The following CTTNBP2NL variants were observed in gnomAD, a reference collection of about 807,000 sequenced individuals.
CTTNBP2NL encodes the protein CTTNBP2 N-terminal-like protein.
Under a neutral mutation model 32.5 loss-of-function variants are expected in CTTNBP2NL, and 16 were observed. That is an observed-to-expected ratio of 0.49 (90% CI 0.33 to 0.75). The LOEUF (loss-of-function observed/expected upper bound fraction) is 0.75. Ranked by LOEUF, CTTNBP2NL falls within the 30% of genes least tolerant of loss-of-function variation. The pLI is 0.02. For missense variants in CTTNBP2NL, 645 were observed against 756.0 expected, an observed-to-expected ratio of 0.85 and a Z score of 1.72; for synonymous variants, 298 against 289.4, an observed-to-expected ratio of 1.03 and a Z score of -0.30.
Position 112,456,759 on chromosome 1 carries a change from C to G in CTTNBP2NL, c.1267C>G (p.Leu423Val). Reference protein sequence around the residue: ...LSPSSTASSSLTSSPCSSPVL... With the variant: ...LSPSSTASSSVTSSPCSSPVL... ...TCCCAGCAGCACTGCCTCCTCCTCT[C>G]TAACATCCTCTCCTTGCTCTTCGCC... Residue 423 changes from leucine (L) to valine (V), a missense_variant, in exon 6 of 6, where the codon CTA becomes GTA. Leu to Val is a conservative substitution (Grantham distance 32, BLOSUM62 1). Coordinates refer to ENST00000271277, the MANE Select transcript of CTTNBP2NL (RefSeq NM_018704.3). 6.2e-7 allele frequency: 1 copy of G among 1,614,128 alleles called. No homozygotes were observed.
chr1:112,451,627 C>G (rs765082243), intron 4 of CTTNBP2NL, among the ~76,000 whole-genome samples: 1 of 151,486 alleles, frequency 6.6e-6, no homozygotes, highest in Non-Finnish European at 1.5e-5. Context: ...CAAAAATTAG[C>G]CAGGCATGGT....
At chr1:112,452,348 T>TC (rs1480165622) in intron 4 of CTTNBP2NL, among the ~76,000 whole-genome samples, 3 of 144,502 alleles carry the variant, frequency 2.1e-5, no homozygotes, top group Non-Finnish European at 3.0e-5. Flanking sequence ...TTTTTTTTTT[T>TC]TTTTTTTTTT....
chr1:112,429,821 T>C (rs907171594), intron 3 of CTTNBP2NL, among the ~76,000 whole-genome samples: 1 of 152,220 alleles, frequency 6.6e-6, no homozygotes, highest in Non-Finnish European at 1.5e-5. Flanking sequence ...CAGAGCACTG[T>C]ACTAAATTCT....
intron 3 of CTTNBP2NL, among the ~76,000 whole-genome samples, chr1:112,430,402 TGTG>T (rs1265336320): frequency 9.2e-5 from 14 of 151,766 alleles, no homozygotes; most frequent in Admixed American, 3.3e-4. Flanking sequence ...TCTAATTTGT[TGTG>T]GTTGTACTTT....
chr1:112,455,926 T>A lies in CTTNBP2NL; in HGVS notation c.439-5T>A. 6.3e-7 allele frequency: 1 copy of A among 1,576,044 alleles called. No individual in the cohort carries two copies. The highest frequency in any genetic ancestry group is 8.6e-7 in the Non-Finnish European group (1 of 1,164,894). On this transcript the variant is annotated splice_region_variant and splice_polypyrimidine_tract_variant and intron_variant, in intron 5 of 5. Transcript: ENST00000271277. ...AGTATGTCTCTCTTTTCTTTTTTTT[T>A]CTAGTTGGAATTTGAAAAATCCCAA...
chr1:112,397,101 A>G (rs1425653210), intron 1 of CTTNBP2NL, among the ~76,000 whole-genome samples: 1 of 152,180 alleles, frequency 6.6e-6, no homozygotes, highest in Admixed American at 6.5e-5. Flanking sequence ...TTTCACAGTG[A>G]GGTGGGTGTG....
chr1:112,451,837 A>G (rs1222582745), intron 4 of CTTNBP2NL, among the ~76,000 whole-genome samples: 1 of 151,234 alleles, frequency 6.6e-6, no homozygotes, highest in Non-Finnish European at 1.5e-5. Flanking sequence ...CCTGTTTTCT[A>G]TTCTACATTT....
upstream of CTTNBP2NL, among the ~76,000 whole-genome samples, chr1:112,392,124 C>A (rs1292312125): frequency 6.6e-6 from 1 of 152,164 alleles, no homozygotes; most frequent in African/African-American, 2.4e-5. Flanking sequence ...TCTTCCTAAC[C>A]CACTTAGCAT....
At chr1:112,394,341 C>T (rs1648259548), upstream of CTTNBP2NL, among the ~76,000 whole-genome samples, 1 of 152,158 alleles carries the variant, frequency 6.6e-6, no homozygotes, top group Admixed American at 6.5e-5. Flanking sequence ...TGAGGCACTT[C>T]CTCATTGCAT....
intron 3 of CTTNBP2NL, among the ~76,000 whole-genome samples, chr1:112,419,838 C>G (rs892904742): frequency 4.6e-5 from 7 of 152,158 alleles, no homozygotes; most frequent in Admixed American, 3.3e-4. Context: ...CTGGACCTAA[C>G]AGTTCTTTGG....
intron 5 of CTTNBP2NL, among the ~76,000 whole-genome samples, chr1:112,455,456 T>A (rs970716541): frequency 3.2e-4 from 48 of 152,114 alleles, no homozygotes; most frequent in African/African-American, 1.1e-3. Context: ...TGAGCCAATA[T>A]TGCACCATTG....
Position 112,452,335 on chromosome 1 carries a change from C to CTTCTTTTTTTTTT in CTTNBP2NL, c.331-2112_331-2111insCTTTTTTTTTTTT, listed in dbSNP as rs1553227272. ...GCATACACCACAGCACCAGTCTCTT[C>CTTCTTTTTTTTTT]TTTTTTTTTTTTTTTTTTTTTTTTT... On this transcript the variant is annotated intron_variant, in intron 4 of 5. Transcript: ENST00000271277. Among the ~76,000 whole-genome samples the CTTCTTTTTTTTTT allele has an allele frequency of 1.0e-3, 67 of 65,718 alleles. 3 individuals are homozygous for CTTCTTTTTTTTTT. The highest frequency in any genetic ancestry group is 4.0e-3 in the African/African-American group (66 of 16,410). The allele number at this position is 65,718 out of a possible 152,430, so 43.1% of individuals were successfully genotyped here.
At chr1:112,444,653 A>G (rs1021740363) in intron 3 of CTTNBP2NL, among the ~76,000 whole-genome samples, 5 of 152,362 alleles carry the variant, frequency 3.3e-5, no homozygotes, top group East Asian at 3.8e-4. Flanking sequence ...TAAAAATAAT[A>G]AAATTGAATT....
intron 1 of CTTNBP2NL, among the ~76,000 whole-genome samples, chr1:112,405,790 C>T (rs1648644870): frequency 6.6e-6 from 1 of 152,174 alleles, no homozygotes; most frequent in Non-Finnish European, 1.5e-5. Context: ...TTCACACTCA[C>T]AGAGAGATAT....
Position 112,457,250 on chromosome 1 carries a change from A to G in CTTNBP2NL, c.1758A>G (p.Lys586=), listed in dbSNP as rs749892206. The part of the protein sequence containing the change: ...RGNPPPIPPK[K]PGLTPSPSAT... ...ACCCTCCACCCATCCCACCCAAGAA[A>G]CCTGGCCTCACCCCTTCTCCATCTG... The change falls in exon 6 of 6, where the codon AAA becomes AAG. Residue 586 remains lysine (K), a synonymous_variant. Transcript: ENST00000271277. 4.3e-6 allele frequency: 7 copies of G among 1,613,824 alleles called. No homozygotes were observed. The highest frequency in any genetic ancestry group is 1.7e-5 in the Admixed American group (1 of 59,982).
chr1:112,419,419 G>A lies in CTTNBP2NL; in HGVS notation c.99+3155G>A, dbSNP rs17030303. Among the ~76,000 whole-genome samples, 1,263 of 152,168 alleles carry A rather than the reference G, an allele frequency of 8.3e-3. 23 individuals are homozygous for A. Among genetic ancestry groups the A allele is most frequent in the African/African-American group, 0.029 (1,207 of 41,504 alleles). ...ATAATCATAAGGATCTAATGACAGT[G>A]CCAAAATATAGAAAACAAAAGTTAC... On this transcript the variant is annotated intron_variant, in intron 3 of 5. Transcript: ENST00000271277.
intron 1 of CTTNBP2NL, among the ~76,000 whole-genome samples, chr1:112,410,557 T>C (rs1016125731): frequency 2.6e-5 from 4 of 152,238 alleles, no homozygotes; most frequent in Non-Finnish European, 5.9e-5. Context: ...TATAGCTGGC[T>C]ATGCCACAGT....
intron 1 of CTTNBP2NL, among the ~76,000 whole-genome samples, chr1:112,404,981 CGG>C (rs1491047715): frequency 4.9e-5 from 7 of 142,620 alleles, no homozygotes; most frequent in African/African-American, 1.3e-4. Context: ...AACCAGGAGG[CGG>C]AGGTTGCGGT....
In CTTNBP2NL at chr1:112,460,227, T is replaced by A. The variant is rs539275628; in HGVS notation, c.*2815T>A. On this transcript the variant is annotated 3_prime_UTR_variant, in exon 6 of 6. Transcript: ENST00000271277. Reference sequence around the variant, plus strand: ...GCAGACTGCATTAAAACAAGTTAAATCTTGCTGTTTGGGGGGAAATAGTCT... The same window carrying A: ...GCAGACTGCATTAAAACAAGTTAAAACTTGCTGTTTGGGGGGAAATAGTCT... 12 of 152,298 alleles carry A rather than the reference T, an allele frequency of 7.9e-5. No homozygotes were observed. The highest frequency in any genetic ancestry group is 2.9e-4 in the African/African-American group (12 of 41,558). The allele number at this position is 152,298 out of a possible 1,614,324, so 9.4% of individuals were successfully genotyped here.
Sources: gnomAD v4.1 joint callset for allele counts (sites outside exome capture counted in the v4.1 genomes callset) on GRCh38, gnomAD v4.1.1 for gene constraint, MANE v1.5 for transcripts, NCBI Gene and HGNC (gene_info 2026-07-23, HGNC 2026-07-21) for gene names.